TSHZ2: variants seen among roughly 807,000 people sequenced by gnomAD.
The protein encoded by TSHZ2 is teashirt zinc finger homeobox 2.
In TSHZ2, 21 loss-of-function variants were observed where a neutral mutation model predicts 74.4. The ratio of observed to expected loss-of-function variants is 0.28; its 90% CI spans 0.20 to 0.41. The LOEUF is 0.41. TSHZ2 is among the 10% of genes least tolerant of loss of function. The probability of loss-of-function intolerance (pLI) is 1.00; values close to 1 mark genes in which losing one functional copy is unlikely to be tolerated. For missense variants in TSHZ2, 1,244 were observed against 1,293.5 expected (o/e 0.96, Z 0.59); for synonymous variants, 540 against 515.3 (o/e 1.05, Z -0.65).
At chr20:53,238,686 T>C (rs976911168) in intron 1 of TSHZ2, among the ~76,000 whole-genome samples, 4 of 151,890 alleles carry the variant, frequency 2.6e-5, no homozygotes, top group African/African-American at 9.7e-5. Flanking sequence ...TGGAAAACAG[T>C]CCAGATGCAC....
At chr20:53,292,872 A>T (rs1037187699) in intron 2 of TSHZ2, among the ~76,000 whole-genome samples, 3 of 152,244 alleles carry the variant, frequency 2.0e-5, no homozygotes, top group Non-Finnish European at 4.4e-5. Flanking sequence ...CTAAGGTCAC[A>T]GATCCAGTGA....
intron 1 of TSHZ2, among the ~76,000 whole-genome samples, chr20:53,149,668 G>T (rs991700169): frequency 6.6e-6 from 1 of 152,166 alleles, no homozygotes; most frequent in African/African-American, 2.4e-5. Context: ...ATTATGTAGG[G>T]CATGGAGACA....
chr20:52,984,135 T>C (rs1396082197), intron 1 of TSHZ2, among the ~76,000 whole-genome samples: 1 of 152,134 alleles, frequency 6.6e-6, no homozygotes, highest in Non-Finnish European at 1.5e-5. Context: ...ACGGGGGAGA[T>C]TCTGCTGCCT....
intron 1 of TSHZ2, among the ~76,000 whole-genome samples, chr20:53,215,063 T>C (rs916748188): frequency 3.3e-5 from 5 of 152,196 alleles, no homozygotes; most frequent in African/African-American, 1.2e-4. Context: ...GCTAATGTCC[T>C]CCTGCAGAAA....
chr20:53,050,130 T>TATATATATATATATATATAC (rs1555819319), intron 1 of TSHZ2, among the ~76,000 whole-genome samples: 7 of 88,308 alleles, frequency 7.9e-5, no homozygotes, highest in African/African-American at 4.1e-4. Context: ...TATATACACA[T>TATATATATATATATATATAC]ATATATATGT....
chr20:53,247,270 T>G (rs767362495), intron 1 of TSHZ2, among the ~76,000 whole-genome samples: 4 of 152,236 alleles, frequency 2.6e-5, no homozygotes, highest in African/African-American at 9.6e-5. Context: ...CGTAGATCAC[T>G]TCTCCAGCCA....
chr20:53,281,083 A>G (rs1991052338), intron 2 of TSHZ2, among the ~76,000 whole-genome samples: 1 of 152,238 alleles, frequency 6.6e-6, no homozygotes, highest in Non-Finnish European at 1.5e-5. Context: ...CTCTGGCCTC[A>G]TGCAGTTTAT....
At chr20:53,118,153 G>T (rs1861163743) in intron 1 of TSHZ2, among the ~76,000 whole-genome samples, 1 of 152,238 alleles carries the variant, frequency 6.6e-6, no homozygotes, top group Non-Finnish European at 1.5e-5. Flanking sequence ...GGAGCCAGAT[G>T]CCTCTGCTGG....
intron 2 of TSHZ2, among the ~76,000 whole-genome samples, chr20:53,482,232 T>G (rs914032104): frequency 6.6e-6 from 1 of 151,292 alleles, no homozygotes; most frequent in Non-Finnish European, 1.5e-5. Context: ...ACAAGCCGTA[T>G]AAGAAGCAGT....
At chr20:53,182,147 C>CCCTCCCTCTCTTCCTT (rs1988487474) in intron 1 of TSHZ2, among the ~76,000 whole-genome samples, 2 of 148,544 alleles carry the variant, frequency 1.3e-5, no homozygotes, top group Non-Finnish European at 3.0e-5. Context: ...TTCTCTCCCT[C>CCCTCCCTCTCTTCCTT]CCTCCCTCTC....
At chr20:53,205,531 G>A (rs576165442) in intron 1 of TSHZ2, among the ~76,000 whole-genome samples, 19 of 152,204 alleles carry the variant, frequency 1.2e-4, no homozygotes, top group African/African-American at 3.6e-4. Context: ...TTTAAAACTC[G>A]TATAAAAAGA....
rs181909682 is a variant in TSHZ2 at position 53,341,650 on chromosome 20, A to G, written c.*8+85079A>G. ...GAATTATCTCTTATCTATTTTAAAT[A>G]TGCTTCATTTCTTAGAACAGTTTTT... On this transcript the variant is annotated intron_variant, in intron 2 of 2. Transcript: ENST00000371497. 5.8e-4 allele frequency among the ~76,000 whole-genome samples: 88 copies of G among 151,956 alleles called. No individual in the cohort carries two copies. In the East Asian group the frequency reaches 0.016, roughly 27 times the overall value.
At chr20:53,224,170 G>C (rs928930628) in intron 1 of TSHZ2, among the ~76,000 whole-genome samples, 1 of 152,176 alleles carries the variant, frequency 6.6e-6, no homozygotes, top group African/African-American at 2.4e-5. Flanking sequence ...AAAATGTTTT[G>C]AGTATAATGT....
At chr20:53,216,875 C>A (rs1989447517) in intron 1 of TSHZ2, among the ~76,000 whole-genome samples, 1 of 152,190 alleles carries the variant, frequency 6.6e-6, no homozygotes, top group Non-Finnish European at 1.5e-5. Flanking sequence ...GGAACTCTCC[C>A]TGCAGCCCCT....
chr20:53,311,976 G>A lies in TSHZ2; in HGVS notation c.*8+55405G>A, dbSNP rs1386774580. Among the ~76,000 whole-genome samples the A allele has an allele frequency of 2.0e-5, 3 of 152,292 alleles. No homozygotes were observed. In the East Asian group the frequency reaches 5.8e-4, roughly 29 times the overall value. ...CATGCCTGTAGTCCTAGCTACTCATGAGGCTGAGGTGGGAGGATCATTTGA... is the reference window on the plus strand; with the variant it reads ...CATGCCTGTAGTCCTAGCTACTCATAAGGCTGAGGTGGGAGGATCATTTGA... On this transcript the variant is annotated intron_variant, in intron 2 of 2. Coordinates refer to ENST00000371497, the MANE Select transcript of TSHZ2 (RefSeq NM_173485.6).
At chr20:53,479,088 C>T (rs1372990276) in intron 2 of TSHZ2, among the ~76,000 whole-genome samples, 1 of 151,778 alleles carries the variant, frequency 6.6e-6, no homozygotes. Flanking sequence ...TCACTTGAAC[C>T]CAGGAGGCGG....
At chr20:53,198,274 T>G (rs895019268) in intron 1 of TSHZ2, 3 of 152,168 alleles carry the variant, frequency 2.0e-5, no homozygotes, top group Non-Finnish European at 4.4e-5. Context: ...TACGGGATTT[T>G]TGTGTGTGAA....
At chr20:53,034,674 C>T (rs1055318625) in intron 1 of TSHZ2, among the ~76,000 whole-genome samples, 7 of 152,108 alleles carry the variant, frequency 4.6e-5, no homozygotes, top group Non-Finnish European at 8.8e-5. Context: ...CCCAAGCATG[C>T]CAGGATTTGA....
chr20:53,418,859 C>A (rs1983367165), intron 2 of TSHZ2, among the ~76,000 whole-genome samples: 1 of 152,220 alleles, frequency 6.6e-6, no homozygotes, highest in African/African-American at 2.4e-5. Flanking sequence ...TAAGGCAGGC[C>A]ACCCAGACAG....
Sources: gnomAD v4.1 joint callset for allele counts (sites outside exome capture counted in the v4.1 genomes callset) on GRCh38, gnomAD v4.1.1 for gene constraint, MANE v1.5 for transcripts, NCBI Gene and HGNC (gene_info 2026-07-23, HGNC 2026-07-21) for gene names.